NRXN3: variants seen among roughly 807,000 people sequenced by gnomAD.
The protein encoded by NRXN3 is neurexin III.
A neutral mutation model predicts 137.6 loss-of-function variants in NRXN3; 32 were observed. That is an observed-to-expected ratio of 0.23 (90% CI 0.18 to 0.31). The LOEUF (loss-of-function observed/expected upper bound fraction) is 0.31, where lower values mean the gene tolerates loss of function less well. NRXN3 is among the 10% of genes least tolerant of loss of function. The pLI is 1.00. For missense variants in NRXN3, 1,574 were observed against 2,062.5 expected, an observed-to-expected ratio of 0.76 and a Z score of 4.59; for synonymous variants, 798 against 784.5, an observed-to-expected ratio of 1.02 and a Z score of -0.29.
chr14:78,285,072 G>A (rs1242814660), intron 3 of NRXN3, among the ~76,000 whole-genome samples: 1 of 152,164 alleles, frequency 6.6e-6, no homozygotes, highest in African/African-American at 2.4e-5. Flanking sequence ...ACCTCTCTGG[G>A]CAATAGGCTT....
At chr14:79,842,643 T>C (rs1395205672) in intron 20 of NRXN3, among the ~76,000 whole-genome samples, 1 of 152,188 alleles carries the variant, frequency 6.6e-6, no homozygotes, top group African/African-American at 2.4e-5. Context: ...ACTTAAGGAA[T>C]ACAACATGAT....
intron 4 of NRXN3, among the ~76,000 whole-genome samples, chr14:78,458,304 T>C (rs1197483599): frequency 6.6e-6 from 1 of 152,178 alleles, no homozygotes; most frequent in Non-Finnish European, 1.5e-5. Flanking sequence ...TCACAGAGAA[T>C]TGTCTTCCAA....
chr14:78,474,458 T>A (rs1436986524), intron 4 of NRXN3, among the ~76,000 whole-genome samples: 1 of 152,086 alleles, frequency 6.6e-6, no homozygotes, highest in African/African-American at 2.4e-5. Flanking sequence ...TTTCTACTCT[T>A]AGGGATTCTA....
chr14:78,262,642 C>G (rs889658680), intron 2 of NRXN3, among the ~76,000 whole-genome samples: 1 of 152,132 alleles, frequency 6.6e-6, no homozygotes, highest in African/African-American at 2.4e-5. Context: ...GTCCTCCCAC[C>G]TGCCACAGTT....
intron 15 of NRXN3, among the ~76,000 whole-genome samples, chr14:79,462,890 G>GTATGTATATGTATATGTACATACACA (rs1567193354): frequency 8.8e-5 from 2 of 22,780 alleles, no homozygotes; most frequent in African/African-American, 3.3e-4. Context: ...ATACACATAT[G>GTATGTATATGTATATGTACATACACA]TATGTATATG....
intron 4 of NRXN3, among the ~76,000 whole-genome samples, chr14:78,312,116 T>A (rs780885316): frequency 1.3e-5 from 2 of 152,166 alleles, no homozygotes; most frequent in Non-Finnish European, 2.9e-5. Flanking sequence ...TATAGATCAT[T>A]CATAGGCTGC....
intron 16 of NRXN3, among the ~76,000 whole-genome samples, chr14:79,530,592 T>C (rs1363759083): frequency 7.2e-6 from 1 of 138,714 alleles, no homozygotes; most frequent in Non-Finnish European, 1.5e-5. Context: ...AGAGGTTTTT[T>C]GTTTTTTTTT....
intron 3 of NRXN3, 97 bp from the exon 4 acceptor site, chr14:78,297,734 A>G (rs1597009105): frequency 2.1e-6 from 2 of 934,014 alleles, no homozygotes; most frequent in East Asian, 5.3e-5. Flanking sequence ...TCAAGGATTA[A>G]GATTGTATTG....
At chr14:78,802,539 TAAAA>T (rs879815829) in intron 8 of NRXN3, among the ~76,000 whole-genome samples, 15 of 152,114 alleles carry the variant, frequency 9.9e-5, no homozygotes, top group Admixed American at 5.2e-4. Flanking sequence ...ATAATAATAA[TAAAA>T]AAAGTCTTGG....
intron 4 of NRXN3, chr14:78,403,630 C>T: frequency 2.5e-6 from 2 of 793,048 alleles, no homozygotes; most frequent in South Asian, 5.8e-5. Context: ...CGGTGCTGCA[C>T]TAAGATTTGA....
chr14:79,442,794 T>C (rs1003301573), intron 15 of NRXN3, among the ~76,000 whole-genome samples: 5 of 152,360 alleles, frequency 3.3e-5, no homozygotes, highest in East Asian at 3.9e-4. Flanking sequence ...TGGACTTACC[T>C]TTTTTGCTTC....
intron 16 of NRXN3, among the ~76,000 whole-genome samples, chr14:79,612,793 C>T: frequency 6.6e-6 from 1 of 152,150 alleles, no homozygotes. Context: ...CTGCAGTGAA[C>T]TAGGATCAAG....
intron 4 of NRXN3, among the ~76,000 whole-genome samples, chr14:78,596,328 A>G (rs1172764582): frequency 6.6e-6 from 1 of 151,896 alleles, no homozygotes; most frequent in African/African-American, 2.4e-5. Context: ...ATCTCCAGGC[A>G]AGTGAGTCCC....
chr14:79,308,608 C>A (rs975415670), intron 15 of NRXN3, among the ~76,000 whole-genome samples: 1 of 152,070 alleles, frequency 6.6e-6, no homozygotes, highest in African/African-American at 2.4e-5. Context: ...GTCTGTGCAT[C>A]TTTCTTAACC....
At chr14:79,728,523 A>AAGGCAAACCGCAGC (rs1353122612) in intron 19 of NRXN3, among the ~76,000 whole-genome samples, 1 of 152,228 alleles carries the variant, frequency 6.6e-6, no homozygotes, top group African/African-American at 2.4e-5. Context: ...GTGCCTTTGA[A>AAGGCAAACCGCAGC]AGGCAAACCG....
intron 4 of NRXN3, among the ~76,000 whole-genome samples, chr14:78,425,468 G>A (rs904039237): frequency 6.6e-6 from 1 of 152,160 alleles, no homozygotes; most frequent in African/African-American, 2.4e-5. Context: ...CCCCACCCAA[G>A]TGATTCAGAT....
intron 15 of NRXN3, among the ~76,000 whole-genome samples, chr14:79,097,881 C>T (rs2050626735): frequency 6.6e-6 from 1 of 152,146 alleles, no homozygotes; most frequent in Non-Finnish European, 1.5e-5. Context: ...GACTGCAAAA[C>T]CTGCCCTGAA....
chr14:78,542,476 G>A (rs753179706), intron 4 of NRXN3, among the ~76,000 whole-genome samples: 6 of 152,208 alleles, frequency 3.9e-5, no homozygotes, highest in Non-Finnish European at 8.8e-5. Context: ...AGGCTCTGTG[G>A]GTGTGTGACC....
At chr14:78,942,327 T>A (rs554638434) in intron 10 of NRXN3, among the ~76,000 whole-genome samples, 1 of 152,252 alleles carries the variant, frequency 6.6e-6, no homozygotes, top group Non-Finnish European at 1.5e-5. Flanking sequence ...TCTCTGACTC[T>A]TAACTCTTCC....
Sources: gnomAD v4.1 joint callset for allele counts (sites outside exome capture counted in the v4.1 genomes callset) on GRCh38, gnomAD v4.1.1 for gene constraint, MANE v1.5 for transcripts, NCBI Gene and HGNC (gene_info 2026-07-23, HGNC 2026-07-21) for gene names.